Variants in CCDC88C observed in about 807,000 individuals in gnomAD.
CCDC88C encodes protein Daple.
A neutral mutation model predicts 198.8 loss-of-function variants in CCDC88C; 131 were observed. The observed-to-expected ratio is 0.66, with a 90% CI of 0.57 to 0.76. The LOEUF (loss-of-function observed/expected upper bound fraction) is 0.76. Ranked by LOEUF, CCDC88C falls within the 30% of genes least tolerant of loss-of-function variation. The pLI is 0.00. For synonymous variants in CCDC88C, 1,166 were observed against 1,114.7 expected (o/e 1.05, Z -0.92); for missense variants, 2,553 against 2,631.6 (o/e 0.97, Z 0.65).
At chr14:91,365,182 C>CCCCTCAT (rs1567100716) in intron 3 of CCDC88C, among the ~76,000 whole-genome samples, 1 of 149,978 alleles carries the variant, frequency 6.7e-6, no homozygotes, top group Non-Finnish European at 1.5e-5. Context: ...TCACCCCTCA[C>CCCCTCAT]CCCTCACCCC....
chr14:91,274,882 C>T (rs887580604), intron 29 of CCDC88C, among the ~76,000 whole-genome samples: 1 of 152,208 alleles, frequency 6.6e-6, no homozygotes, highest in African/African-American at 2.4e-5. Flanking sequence ...AGATGAAAGC[C>T]TATGGCTGCC....
rs755032568 is a variant in CCDC88C at position 91,294,198 on chromosome 14, A to C, written c.4087T>G (p.Tyr1363Asp). The change falls in exon 23 of 30, where the codon TAC (tyrosine) becomes GAC (aspartate). Residue 1363 changes from tyrosine to aspartate, a missense_variant. Transcript: ENST00000389857. The part of the protein sequence containing the change: ...LEQNMENKEQ[Y>D]HEEQKQYIDK... ...ATGTACTGCTTCTGCTCCTCATGGT[A>C]CTGCTCCTTGTTCTCCATGTTCTGC... 1.2e-6 allele frequency: 2 copies of C among 1,613,986 alleles called. No individual in the cohort carries two copies. Among genetic ancestry groups the C allele is most frequent in the Non-Finnish European group, 1.7e-6 (2 of 1,179,878 alleles).
rs955021900 is a variant in CCDC88C, at chr14:91,401,258, T to C, written c.270+7401A>G. Reference sequence around the variant, plus strand: ...TATTTATATATTATATATTATATAATATATACATTATATATATTATATATT... The same window carrying C: ...TATTTATATATTATATATTATATAACATATACATTATATATATTATATATT... On this transcript the variant is annotated intron_variant, in intron 3 of 29. Transcript: ENST00000389857. 3.5e-5 allele frequency among the ~76,000 whole-genome samples: 5 copies of C among 144,328 alleles called. 1 individual carries two copies. Among genetic ancestry groups the C allele is most frequent in the African/African-American group, 1.0e-4 (4 of 39,120 alleles). 94.7% of individuals were successfully genotyped at this position (144,328 alleles called of 152,430 possible). A position where few individuals can be genotyped will look rare whatever the true frequency, so the allele number is the denominator to read the frequency against.
chr14:91,292,361 C>T (rs906867337), intron 23 of CCDC88C, among the ~76,000 whole-genome samples: 1 of 148,936 alleles, frequency 6.7e-6, no homozygotes, highest in Non-Finnish European at 1.5e-5. Context: ...AATGCAAAAA[C>T]GTCATCAAAT....
chr14:91,354,278 C>T (rs1157252252), intron 4 of CCDC88C, among the ~76,000 whole-genome samples: 2 of 152,234 alleles, frequency 1.3e-5, no homozygotes, highest in Non-Finnish European at 2.9e-5. Context: ...CCCTGGCTTC[C>T]CGTCAGACAA....
In CCDC88C at chr14:91,273,391, G is replaced by A; in HGVS notation, c.5321C>T (p.Pro1774Leu). The change falls in exon 30 of 30, where the codon CCC becomes CTC. Residue 1774 changes from proline to leucine, a missense_variant. Coordinates refer to ENST00000389857, the MANE Select transcript of CCDC88C (RefSeq NM_001080414.4). The surrounding 1 kb of genome is among the most constrained non-coding windows in gnomAD (Gnocchi z 5.6). ...PSVAPRQAQP[P>L]QSLSLGRPRQ... is the part of the protein sequence containing the mutation. ...GGGTCTGCCCAGAGACAGGCTCTGG[G>A]GAGGCTGGGCCTGTCTCGGGGCCAC... is the stretch of plus-strand genomic sequence containing the variant. 6.5e-7 allele frequency: 1 copy of A among 1,536,450 alleles called. No homozygotes were observed. Among genetic ancestry groups the A allele is most frequent in the Non-Finnish European group, 8.8e-7 (1 of 1,141,374 alleles).
intron 19 of CCDC88C, among the ~76,000 whole-genome samples, chr14:91,304,875 G>A (rs1368436629): frequency 2.6e-5 from 4 of 152,126 alleles, no homozygotes; most frequent in Admixed American, 2.6e-4. Context: ...AACAAATTCC[G>A]ATTTCTTTGC....
chr14:91,317,439 G>T (rs149028857), intron 13 of CCDC88C, among the ~76,000 whole-genome samples: 18 of 152,226 alleles, frequency 1.2e-4, no homozygotes, highest in Admixed American at 1.2e-3. Flanking sequence ...CTGGCTGAGG[G>T]TTGCCAGGCC....
intron 3 of CCDC88C, among the ~76,000 whole-genome samples, chr14:91,388,658 G>A (rs904177488): frequency 6.6e-6 from 1 of 152,192 alleles, no homozygotes; most frequent in Non-Finnish European, 1.5e-5. Context: ...TCAGCCACTC[G>A]CAAAACAGAG....
chr14:91,295,350 C>T (rs371201822), intron 22 of CCDC88C, among the ~76,000 whole-genome samples: 7 of 152,190 alleles, frequency 4.6e-5, no homozygotes, highest in South Asian at 2.1e-4. Flanking sequence ...AGAATTAAAA[C>T]AAATACCATA....
intron 4 of CCDC88C, among the ~76,000 whole-genome samples, chr14:91,344,503 CAT>C (rs1306253855): frequency 6.6e-6 from 1 of 151,908 alleles, no homozygotes; most frequent in Non-Finnish European, 1.5e-5. Flanking sequence ...TATAAGATAA[CAT>C]AAAGCCATCC....
chr14:91,297,187 C>A (rs1181686794), intron 22 of CCDC88C, 118 bp downstream of exon 22: 4 of 1,052,744 alleles, frequency 3.8e-6, no homozygotes, highest in Non-Finnish European at 5.5e-6. Context: ...CACCTCCACA[C>A]ATTTCTGTCT....
intron 2 of CCDC88C, among the ~76,000 whole-genome samples, chr14:91,414,440 T>G (rs897192928): frequency 2.0e-5 from 3 of 152,148 alleles, no homozygotes; most frequent in Admixed American, 2.0e-4. Context: ...TGAGGTAATT[T>G]TACATAGCAT....
At chr14:91,401,788 T>A (rs148501549) in intron 3 of CCDC88C, among the ~76,000 whole-genome samples, 23 of 152,352 alleles carry the variant, frequency 1.5e-4, no homozygotes, top group African/African-American at 5.5e-4. Context: ...AACGTATTAT[T>A]ACTCCTAAAG....
rs1467945887 is a variant in CCDC88C, at chr14:91,309,754, C to CGG, written c.2864+103_2864+104dup. 11 of 1,233,118 alleles carry CGG rather than the reference C, an allele frequency of 8.9e-6. No homozygotes were observed. The African/African-American group carries it at 1.1e-4, about 12-fold the overall frequency. 76.4% of individuals were successfully genotyped at this position (1,233,118 alleles called of 1,614,324 possible). A position where few individuals can be genotyped will look rare whatever the true frequency, so the allele number is the denominator to read the frequency against. On this transcript the variant is annotated intron_variant, in intron 16 of 29. Transcript: ENST00000389857. ...AGGAACCGCGTGAGGTCACAGCCCT[C>CGG]GGCAGTAGAGAGTTCATGGAGGTCT...
At chr14:91,322,631 A>T (rs1038675249) in intron 12 of CCDC88C, among the ~76,000 whole-genome samples, 1 of 152,120 alleles carries the variant, frequency 6.6e-6, no homozygotes, top group Non-Finnish European at 1.5e-5. Flanking sequence ...ATGGGGGTGA[A>T]CCCATTTTTA....
intron 22 of CCDC88C, among the ~76,000 whole-genome samples, chr14:91,295,841 AAG>A (rs1175780554): frequency 6.6e-6 from 1 of 152,156 alleles, no homozygotes; most frequent in African/African-American, 2.4e-5. Flanking sequence ...AGGGTCCATA[AAG>A]AGGCCATTAA....
intron 10 of CCDC88C, among the ~76,000 whole-genome samples, chr14:91,328,813 C>T (rs1158075301): frequency 2.0e-5 from 3 of 152,172 alleles, no homozygotes; most frequent in African/African-American, 7.2e-5. Flanking sequence ...CCAACTCACA[C>T]CGACAGAGCA....
intron 4 of CCDC88C, among the ~76,000 whole-genome samples, chr14:91,355,698 AC>A (rs1464504083): frequency 6.6e-6 from 1 of 152,154 alleles, no homozygotes; most frequent in African/African-American, 2.4e-5. Flanking sequence ...CTTGACTTCC[AC>A]CCAGGATAGG....
Sources: allele counts gnomAD v4.1 joint callset (sites outside exome capture counted in the v4.1 genomes callset), GRCh38; gene constraint gnomAD v4.1.1; non-coding constraint Gnocchi (gnomAD v3.1); transcripts MANE v1.5; gene names NCBI Gene and HGNC (gene_info 2026-07-23, HGNC 2026-07-21).